The following EXOC6B variants were observed in gnomAD, a reference collection of about 807,000 sequenced individuals.
The protein encoded by EXOC6B is SEC15 homolog B.
Under a neutral mutation model 113.5 loss-of-function variants are expected in EXOC6B, and 54 were observed. The observed-to-expected ratio is 0.48, with a 90% confidence interval of 0.38 to 0.60. The LOEUF is 0.60. EXOC6B is among the 20% of genes least tolerant of loss of function. EXOC6B has a pLI of 0.00. For missense variants in EXOC6B, 797 were observed against 977.5 expected (o/e 0.82, Z 2.46); for synonymous variants, 357 against 339.0 (o/e 1.05, Z -0.58).
chr2:72,638,911 G>A (rs1015448352), intron 6 of EXOC6B, among the ~76,000 whole-genome samples: 2 of 152,146 alleles, frequency 1.3e-5, no homozygotes, highest in Non-Finnish European at 2.9e-5. Context: ...AGCACCCCTT[G>A]GTCAGCTGCC....
At chr2:72,558,825 G>A (rs770266231) in intron 8 of EXOC6B, among the ~76,000 whole-genome samples, 4 of 151,798 alleles carry the variant, frequency 2.6e-5, no homozygotes, top group Non-Finnish European at 4.4e-5. Flanking sequence ...AAGAGACTGG[G>A]CAATAAGACA....
At chr2:72,391,410 C>T (rs1692371273) in intron 18 of EXOC6B, among the ~76,000 whole-genome samples, 2 of 152,038 alleles carry the variant, frequency 1.3e-5, no homozygotes, top group Admixed American at 1.3e-4. Context: ...CGAAGTCAGC[C>T]ACAATTCTTA....
chr2:72,469,618 T>C (rs1457620746), intron 17 of EXOC6B, among the ~76,000 whole-genome samples: 1 of 152,140 alleles, frequency 6.6e-6, no homozygotes, highest in East Asian at 1.9e-4. Flanking sequence ...TCATTTCTGG[T>C]TTAGTTTCAC....
At chr2:72,456,633 A>G (rs981909208) in intron 18 of EXOC6B, among the ~76,000 whole-genome samples, 3 of 152,142 alleles carry the variant, frequency 2.0e-5, no homozygotes, top group African/African-American at 7.2e-5. Flanking sequence ...TACAAAGTAC[A>G]TATCCTCCTT....
chr2:72,217,547 CCCCCAT>C (rs1559026826), intron 20 of EXOC6B, among the ~76,000 whole-genome samples: 1 of 152,200 alleles, frequency 6.6e-6, no homozygotes, highest in African/African-American at 2.4e-5. Context: ...AAGAAAAACT[CCCCCAT>C]TGGGGAGTTT....
At chr2:72,733,249 C>A in intron 2 of EXOC6B, 131 bp from the exon 3 acceptor site, 1 of 669,322 alleles carries the variant, frequency 1.5e-6, no homozygotes, top group Non-Finnish European at 2.6e-6. Flanking sequence ...ACATATTGGT[C>A]CAGTGGCATT....
At chr2:72,377,069 T>C (rs1336840383) in intron 19 of EXOC6B, among the ~76,000 whole-genome samples, 8 of 152,092 alleles carry the variant, frequency 5.3e-5, no homozygotes, top group African/African-American at 1.9e-4. Context: ...CAAAAGAAGA[T>C]ATGCATATGG....
chr2:72,384,111 C>G (rs1246401627), intron 18 of EXOC6B, among the ~76,000 whole-genome samples: 1 of 151,822 alleles, frequency 6.6e-6, no homozygotes, highest in Non-Finnish European at 1.5e-5. Flanking sequence ...ATGAGTATAC[C>G]TATATAACAA....
intron 7 of EXOC6B, among the ~76,000 whole-genome samples, chr2:72,566,988 T>A (rs1254814387): frequency 1.3e-5 from 2 of 152,006 alleles, no homozygotes; most frequent in Admixed American, 1.3e-4. Context: ...ACACAAAAAC[T>A]AACAACACTC....
chr2:72,393,374 G>A (rs571761845), intron 18 of EXOC6B, among the ~76,000 whole-genome samples: 12 of 152,166 alleles, frequency 7.9e-5, no homozygotes, highest in Admixed American at 5.9e-4. Flanking sequence ...GATTACAGGC[G>A]TGAGTCACCA....
chr2:72,754,506 A>C (rs1682275476), intron 1 of EXOC6B, among the ~76,000 whole-genome samples: 1 of 152,000 alleles, frequency 6.6e-6, no homozygotes, highest in Non-Finnish European at 1.5e-5. Flanking sequence ...TGCTGGCGTT[A>C]TAGGGTGTGA....
chr2:72,269,611 G>C (rs1192174772), intron 20 of EXOC6B, among the ~76,000 whole-genome samples: 2 of 152,114 alleles, frequency 1.3e-5, no homozygotes, highest in Non-Finnish European at 2.9e-5. Context: ...AGCAGTTCAA[G>C]ACCAGCCTGG....
At chr2:72,555,931 C>T (rs1007918666) in intron 8 of EXOC6B, among the ~76,000 whole-genome samples, 1 of 152,182 alleles carries the variant, frequency 6.6e-6, no homozygotes, top group African/African-American at 2.4e-5. Context: ...CAGGCATGAG[C>T]CACTGCACCC....
At chr2:72,327,236 A>G (rs1688176572) in intron 20 of EXOC6B, among the ~76,000 whole-genome samples, 1 of 152,084 alleles carries the variant, frequency 6.6e-6, no homozygotes, top group Non-Finnish European at 1.5e-5. Flanking sequence ...TTTGGGGCTT[A>G]CATTGCTACT....
intron 6 of EXOC6B, among the ~76,000 whole-genome samples, chr2:72,634,337 C>T (rs966805215): frequency 2.0e-5 from 3 of 152,200 alleles, no homozygotes; most frequent in African/African-American, 7.2e-5. Context: ...AATAGATGCA[C>T]TTTTCCTCCT....
intron 20 of EXOC6B, among the ~76,000 whole-genome samples, chr2:72,226,264 T>A (rs533410267): frequency 2.0e-5 from 3 of 152,316 alleles, no homozygotes; most frequent in African/African-American, 7.2e-5. Flanking sequence ...AAATAAAGTC[T>A]ACAGTTTAGT....
At chr2:72,513,358 G>C in intron 10 of EXOC6B, 106 bp from the exon 11 acceptor site, 1 of 1,410,454 alleles carries the variant, frequency 7.1e-7, no homozygotes, top group Non-Finnish European at 9.6e-7. Context: ...CAAAGTTAGT[G>C]GTCATTTTTT....
intron 1 of EXOC6B, among the ~76,000 whole-genome samples, chr2:72,769,194 A>G (rs1388367648): frequency 1.3e-5 from 2 of 152,346 alleles, no homozygotes; most frequent in Non-Finnish European, 2.9e-5. Context: ...GTCCTTCACT[A>G]AAAGAAATGC....
chr2:72,186,947 C>T (rs1678474997), intron 20 of EXOC6B, among the ~76,000 whole-genome samples: 2 of 152,272 alleles, frequency 1.3e-5, no homozygotes, highest in Admixed American at 1.3e-4. Context: ...GTTTGTTCCA[C>T]CCACTTGGCC....
Sources: gnomAD v4.1 joint callset for allele counts (sites outside exome capture counted in the v4.1 genomes callset) on GRCh38, gnomAD v4.1.1 for gene constraint, MANE v1.5 for transcripts, NCBI Gene and HGNC (gene_info 2026-07-23, HGNC 2026-07-21) for gene names.